ADAMTS18: variants seen among roughly 807,000 people sequenced by gnomAD.
ADAMTS18 encodes the protein ADAM metallopeptidase with thrombospondin type 1 motif 18.
Under a neutral mutation model 165.9 loss-of-function variants are expected in ADAMTS18, and 157 were observed. That is an observed-to-expected ratio of 0.95 (90% confidence interval 0.83 to 1.08). ADAMTS18 has a LOEUF of 1.08. ADAMTS18 is among the 50% of genes least tolerant of loss of function. The pLI is 0.00. For missense variants in ADAMTS18, 2,040 were observed against 1,534.0 expected (o/e 1.33, Z -5.51); for synonymous variants, 782 against 578.2 (o/e 1.35, Z -5.06).
rs541584353 is a variant in ADAMTS18 at position 77,377,214 on chromosome 16, A to C, written c.496-9491T>G. On this transcript the variant is annotated intron_variant, in intron 3 of 22. Coordinates refer to ENST00000282849, the MANE Select transcript of ADAMTS18 (RefSeq NM_199355.4). ...CTTTAAAATATACTCTTCATTGGTC[A>C]TATTTCAATTCCATCACAGGCTTTA... Among the ~76,000 whole-genome samples the C allele has an allele frequency of 3.9e-5, 6 of 152,358 alleles. No homozygotes were observed. The South Asian group carries it at 1.2e-3, about 32-fold the overall frequency.
intron 10 of ADAMTS18, among the ~76,000 whole-genome samples, chr16:77,347,918 G>A (rs1415082721): frequency 6.6e-6 from 1 of 152,070 alleles, no homozygotes; most frequent in Non-Finnish European, 1.5e-5. Context: ...TCTAGAAAAT[G>A]TTAATAATAG....
rs74985075 is a variant in ADAMTS18, at chr16:77,375,196, T to C, written c.496-7473A>G. Among the ~76,000 whole-genome samples, 806 of 152,128 alleles carry C rather than the reference T, an allele frequency of 5.3e-3. 12 individuals are homozygous for C. Among genetic ancestry groups the C allele is most frequent in the African/African-American group, 0.019 (773 of 41,500 alleles). On this transcript the variant is annotated intron_variant, in intron 3 of 22. Coordinates refer to ENST00000282849, the MANE Select transcript of ADAMTS18 (RefSeq NM_199355.4). ...TGAAATATTATTCCTCTGTATAAAGTGTAAAGAAAAAGACGGGGTTTCACC... is the reference window on the plus strand; with the variant it reads ...TGAAATATTATTCCTCTGTATAAAGCGTAAAGAAAAAGACGGGGTTTCACC...
At chr16:77,367,167 C>T (rs919677539) in intron 4 of ADAMTS18, among the ~76,000 whole-genome samples, 3 of 152,126 alleles carry the variant, frequency 2.0e-5, no homozygotes, top group Non-Finnish European at 4.4e-5. Flanking sequence ...AGGTACTTTT[C>T]TCGGAAGCAC....
intron 16 of ADAMTS18, among the ~76,000 whole-genome samples, chr16:77,306,147 G>T (rs1333925635): frequency 1.3e-5 from 2 of 152,180 alleles, no homozygotes; most frequent in Non-Finnish European, 2.9e-5. Flanking sequence ...ACTGGACTTA[G>T]TCCAGAGAAT....
intron 21 of ADAMTS18, among the ~76,000 whole-genome samples, chr16:77,290,018 G>T (rs1165881929): frequency 6.6e-6 from 1 of 152,072 alleles, no homozygotes; most frequent in Non-Finnish European, 1.5e-5. Context: ...ATAACAAAAG[G>T]AAAACCAGGG....
chr16:77,291,552 T>G (rs1402085187), intron 20 of ADAMTS18, 74 bp from the exon 21 acceptor site: 1 of 1,452,086 alleles, frequency 6.9e-7, no homozygotes, highest in East Asian at 2.3e-5. Flanking sequence ...CAGTTTGACA[T>G]AAGGTTGCAC....
intron 9 of ADAMTS18, among the ~76,000 whole-genome samples, chr16:77,354,816 C>T (rs175568): frequency 0.82 from 125,009 of 151,798 alleles, 51,584 homozygotes; most frequent in East Asian, 0.91. Context: ...TACATACTAA[C>T]GGAAATTCAG....
At chr16:77,400,508 G>A (rs1597227567) in intron 3 of ADAMTS18, among the ~76,000 whole-genome samples, 1 of 147,208 alleles carries the variant, frequency 6.8e-6, no homozygotes, top group Non-Finnish European at 1.5e-5. Context: ...TTGAGACGGA[G>A]TCTCGCTCTG....
intron 22 of ADAMTS18, among the ~76,000 whole-genome samples, chr16:77,287,014 TG>T (rs2055266484): frequency 6.6e-6 from 1 of 152,126 alleles, no homozygotes; most frequent in East Asian, 1.9e-4. Context: ...GGCAGGGATC[TG>T]GGGGACAACA....
At chr16:77,392,488 A>C (rs2057201355) in intron 3 of ADAMTS18, among the ~76,000 whole-genome samples, 2 of 152,164 alleles carry the variant, frequency 1.3e-5, no homozygotes, top group South Asian at 4.2e-4. Flanking sequence ...CCTCAGAGAA[A>C]ACTTCCCTGA....
chr16:77,336,522 G>C (rs2056313456), intron 11 of ADAMTS18, among the ~76,000 whole-genome samples: 1 of 152,142 alleles, frequency 6.6e-6, no homozygotes, highest in Non-Finnish European at 1.5e-5. Context: ...GTTCTCTTCA[G>C]ATAGCATCCT....
intron 3 of ADAMTS18, among the ~76,000 whole-genome samples, chr16:77,410,612 C>A (rs12933386): frequency 0.14 from 20,779 of 152,166 alleles, 1,494 homozygotes; most frequent in East Asian, 0.19. Flanking sequence ...TTTGTTGAGT[C>A]CTGGGACTAA....
chr16:77,295,495 A>C (rs1017650872), intron 18 of ADAMTS18, among the ~76,000 whole-genome samples: 5 of 152,198 alleles, frequency 3.3e-5, no homozygotes, highest in African/African-American at 1.2e-4. Flanking sequence ...CTTTCCATTA[A>C]GGAGCCTATA....
rs1453861661 is a variant in ADAMTS18, at chr16:77,293,187, G to A, written c.3078C>T (p.Leu1026=). 1 of 1,613,910 alleles carries A rather than the reference G, an allele frequency of 6.2e-7. No individual in the cohort carries two copies. Among genetic ancestry groups the A allele is most frequent in the African/African-American group, 1.3e-5 (1 of 74,870 alleles). Residue 1026 remains leucine, a synonymous_variant, in exon 20 of 23, where the codon CTC becomes CTT. Transcript: ENST00000282849. ...GGAGACTGGTACACTGGCTCTCGGG[G>A]AGGGTTTCTGCGGCAGAGCCCTTGC... ...LLCKGSAAET[L]PESQCTSLPR... is the part of the protein sequence containing the mutation.
rs148727471 is a variant in ADAMTS18 at position 77,370,790 on chromosome 16, G to GATATATATATATAT, written c.496-3081_496-3068dup. The stretch of plus-strand genomic sequence containing the variant: ...AAACAATCCCATTTATAATAGCTAC[G>GATATATATATATAT]ATATATATATATATATACATATACA... On this transcript the variant is annotated intron_variant, in intron 3 of 22. Coordinates refer to ENST00000282849, the MANE Select transcript of ADAMTS18 (RefSeq NM_199355.4). Among the ~76,000 whole-genome samples, 879 of 147,016 alleles carry GATATATATATATAT rather than the reference G, an allele frequency of 6.0e-3. 8 individuals carry two copies. The highest frequency in any genetic ancestry group is 0.021 in the African/African-American group (814 of 39,380).
chr16:77,365,640 T>A (rs1181102206), intron 4 of ADAMTS18, among the ~76,000 whole-genome samples: 1 of 152,196 alleles, frequency 6.6e-6, no homozygotes, highest in African/African-American at 2.4e-5. Context: ...CGGCCAGACA[T>A]GATGCCTTTA....
chr16:77,338,510 T>C (rs1297078673), intron 11 of ADAMTS18, among the ~76,000 whole-genome samples: 2 of 152,018 alleles, frequency 1.3e-5, no homozygotes, highest in Non-Finnish European at 2.9e-5. Context: ...GTGCTGAGAT[T>C]ACAGGCATGA....
At position 77,326,041 on chromosome 16, in the gene ADAMTS18, G is replaced by T; in HGVS notation, c.1860-3C>A. On this transcript the variant is annotated splice_region_variant and splice_polypyrimidine_tract_variant and intron_variant, in intron 12 of 22. Transcript: ENST00000282849. Reference sequence around the variant, plus strand: ...AGAATAAGCCACCATACTGAGGCCTGAAAATGAAATTAATGAACTTTAATG... The same window carrying T: ...AGAATAAGCCACCATACTGAGGCCTTAAAATGAAATTAATGAACTTTAATG... 6.2e-7 allele frequency: 1 copy of T among 1,613,256 alleles called. No individual in the cohort carries two copies. Among genetic ancestry groups the T allele is most frequent in the African/African-American group, 1.3e-5 (1 of 75,012 alleles).
intron 2 of ADAMTS18, chr16:77,433,534 C>G (rs951184072): frequency 2.6e-5 from 4 of 152,210 alleles, no homozygotes; most frequent in African/African-American, 9.7e-5. Flanking sequence ...CCATCTGATC[C>G]TGATATAAGA....
Sources: allele counts gnomAD v4.1 joint callset (sites outside exome capture counted in the v4.1 genomes callset), GRCh38; gene constraint gnomAD v4.1.1; transcripts MANE v1.5; gene names NCBI Gene and HGNC (gene_info 2026-07-23, HGNC 2026-07-21).